Variants in AKAP12 observed in about 807,000 individuals in gnomAD.
AKAP12 encodes A-kinase anchor protein 12.
Under a neutral mutation model 79.9 loss-of-function variants are expected in AKAP12, and 32 were observed. The observed-to-expected ratio is 0.40, with a 90% CI of 0.30 to 0.54. The LOEUF (loss-of-function observed/expected upper bound fraction) is 0.54. Among genes scored for constraint, AKAP12 ranks in the 20% least tolerant of loss-of-function variants. AKAP12 has a pLI of 0.48. For missense variants in AKAP12, 2,074 were observed against 2,177.0 expected, an observed-to-expected ratio of 0.95 and a Z score of 0.94; for synonymous variants, 808 against 857.0, an observed-to-expected ratio of 0.94 and a Z score of 1.00.
chr6:151,270,184 G>A (rs1776153274), intron 2 of AKAP12, among the ~76,000 whole-genome samples: 1 of 152,152 alleles, frequency 6.6e-6, no homozygotes, highest in Non-Finnish European at 1.5e-5. Flanking sequence ...AGCCTCCCGA[G>A]TAGCTGGGAT....
Position 151,240,468 on chromosome 6 carries a change from C to T in AKAP12, c.-95C>T. On this transcript the variant is annotated 5_prime_UTR_variant, in exon 2 of 5. Transcript: ENST00000402676. ...CGGCGAAGGAAGGCGCTCTCGGGAC[C>T]TCGCGGGCGCGCGTCTTTTGGCTCT... 1 of 1,288,158 alleles carries T rather than the reference C, an allele frequency of 7.8e-7. No homozygotes were observed. Among genetic ancestry groups the T allele is most frequent in the Non-Finnish European group, 9.9e-7 (1 of 1,012,900 alleles). The allele number at this position is 1,288,158 out of a possible 1,614,324, so 79.8% of individuals were successfully genotyped here. A position where few individuals can be genotyped will look rare whatever the true frequency, so the allele number is the denominator to read the frequency against.
Position 151,349,185 on chromosome 6 carries a change from G to C in AKAP12, c.794G>C (p.Cys265Ser), listed in dbSNP as rs767469845. ...GAATCTGGCCAAGCAGTGGAGGAAT[G>C]CAAAGAGGAAGGAGAAGAGAAACAA... ...PAESGQAVEE[C>S]KEEGEEKQEK... Residue 265 changes from cysteine (C) to serine (S), a missense_variant, in exon 4 of 5, where the codon TGC becomes TCC. Cys to Ser is a moderately radical substitution (Grantham distance 112, BLOSUM62 -1). This residue lies in a region of AKAP12 where 1,428 missense variants were observed against 1,451.0 expected (regional missense o/e 0.98). Coordinates refer to ENST00000402676, the MANE Select transcript of AKAP12 (RefSeq NM_005100.4). The C allele has an allele frequency of 6.2e-7, 1 of 1,612,630 alleles. No homozygotes were observed. Among genetic ancestry groups the C allele is most frequent in the Non-Finnish European group, 8.5e-7 (1 of 1,180,030 alleles).
intron 3 of AKAP12, chr6:151,341,637 C>T: frequency 1.9e-6 from 2 of 1,051,264 alleles, no homozygotes; most frequent in Non-Finnish European, 1.2e-6. Flanking sequence ...TGTTGGGCTG[C>T]CCCTGCCGGC....
intron 2 of AKAP12, among the ~76,000 whole-genome samples, chr6:151,293,168 G>A (rs1776655476): frequency 6.6e-6 from 1 of 152,228 alleles, no homozygotes; most frequent in Admixed American, 6.5e-5. Context: ...TCTAAGCAAG[G>A]ATGTGATGTA....
At chr6:151,333,134 T>C (rs2626356) in intron 3 of AKAP12, among the ~76,000 whole-genome samples, 10,749 of 152,166 alleles carry the variant, frequency 0.071, 483 homozygotes, top group South Asian at 0.15. Context: ...GAAAATTCCA[T>C]AGGAGTTTTG....
intron 3 of AKAP12, among the ~76,000 whole-genome samples, chr6:151,333,266 T>C (rs375271746): frequency 4.6e-5 from 7 of 152,112 alleles, no homozygotes; most frequent in Admixed American, 1.3e-4. Flanking sequence ...CCATTATTTT[T>C]AGAGGCCTCT....
chr6:151,337,524 A>AAAAAAAAAAAAAAAAG (rs535027217), intron 3 of AKAP12, among the ~76,000 whole-genome samples: 1 of 129,806 alleles, frequency 7.7e-6, no homozygotes, highest in African/African-American at 3.4e-5. Flanking sequence ...AAAAAAAAAA[A>AAAAAAAAAAAAAAAAG]AAAGAAAGAA....
At chr6:151,342,647 C>T (rs754778493) in intron 3 of AKAP12, among the ~76,000 whole-genome samples, 1 of 152,176 alleles carries the variant, frequency 6.6e-6, no homozygotes, top group Non-Finnish European at 1.5e-5. Context: ...GACTAGTTGA[C>T]CAGCTACAAC....
At chr6:151,300,141 T>G (rs1776829204) in intron 2 of AKAP12, among the ~76,000 whole-genome samples, 1 of 152,178 alleles carries the variant, frequency 6.6e-6, no homozygotes, top group African/African-American at 2.4e-5. Flanking sequence ...TCTATTAGAA[T>G]GAAGGAGAAA....
At chr6:151,307,957 C>T (rs57660279) in intron 3 of AKAP12, among the ~76,000 whole-genome samples, 6,532 of 152,118 alleles carry the variant, frequency 0.043, 436 homozygotes, top group African/African-American at 0.15. Context: ...ATCTGCCTCC[C>T]CGCGCACATC....
chr6:151,318,786 TAAAA>T (rs928666071), intron 3 of AKAP12, among the ~76,000 whole-genome samples: 3 of 151,816 alleles, frequency 2.0e-5, no homozygotes, highest in Non-Finnish European at 4.4e-5. Context: ...AAAATAAAAA[TAAAA>T]AAATTATCTA....
intron 3 of AKAP12, among the ~76,000 whole-genome samples, chr6:151,345,594 C>G (rs1237171976): frequency 1.3e-5 from 2 of 150,364 alleles, no homozygotes; most frequent in African/African-American, 4.9e-5. Context: ...CAGGAGTTCT[C>G]GAGACCAGCC....
Position 151,353,700 on chromosome 6 carries a change from AAGAG to A in AKAP12, c.5315_5318del (p.Arg1772AsnfsTer16). 1 of 1,605,150 alleles carries A rather than the reference AAGAG, an allele frequency of 6.2e-7. No homozygotes were observed. The highest frequency in any genetic ancestry group is 8.5e-7 in the Non-Finnish European group (1 of 1,176,772). On this transcript the variant is annotated frameshift_variant, in exon 4 of 5. Coordinates refer to ENST00000402676, the MANE Select transcript of AKAP12 (RefSeq NM_005100.4). LOFTEE classifies it low-confidence loss of function (END_TRUNC). ...CAAGCACAGGAGGAGTTACAGAAAC[AAGAG>A]AGAGAATCTGCAAAGTCAGAACTTA...
intron 4 of AKAP12, 76 bp from the exon 5 acceptor site, chr6:151,355,651 T>A (rs772487753): frequency 3.3e-5 from 5 of 152,580 alleles, no homozygotes; most frequent in Non-Finnish European, 5.9e-5. Flanking sequence ...TAGGTCACTT[T>A]GACAACTATC....
chr6:151,315,065 A>AG (rs1296349968), intron 3 of AKAP12, among the ~76,000 whole-genome samples: 1 of 151,684 alleles, frequency 6.6e-6, no homozygotes, highest in Admixed American at 6.6e-5. Flanking sequence ...AAAAAAAAAA[A>AG]AAAAGATTTA....
intron 3 of AKAP12, chr6:151,341,660 C>T: frequency 3.5e-6 from 4 of 1,143,130 alleles, no homozygotes; most frequent in Non-Finnish European, 4.4e-6. Context: ...GCTGCGCGCG[C>T]CATGCCCTGG....
chr6:151,350,311 C>T lies in AKAP12; in HGVS notation c.1920C>T (p.Ser640=), dbSNP rs186475520. The T allele has an allele frequency of 6.8e-6, 11 of 1,610,412 alleles. No individual in the cohort carries two copies. The highest frequency in any genetic ancestry group is 4.5e-5 in the East Asian group (2 of 44,682). The change falls in exon 4 of 5, where the codon AGC becomes AGT. Residue 640 remains serine (S), a synonymous_variant. Coordinates refer to ENST00000402676, the MANE Select transcript of AKAP12 (RefSeq NM_005100.4). This position sits in a 1 kb window ranked among gnomAD's most constrained non-coding sequence, Gnocchi z 4.8. ...AAGATGAGCTGGACAAGGTCAAGAGCGCTACCTTGTCTTCCACCGAGAGCA... is the reference window on the plus strand; with the variant it reads ...AAGATGAGCTGGACAAGGTCAAGAGTGCTACCTTGTCTTCCACCGAGAGCA... ...DKEDELDKVK[S]ATLSSTESTA...
chr6:151,261,748 T>C (rs1325502537), intron 2 of AKAP12, among the ~76,000 whole-genome samples: 1 of 148,664 alleles, frequency 6.7e-6, no homozygotes, highest in East Asian at 2.0e-4. Flanking sequence ...TTTATTTATT[T>C]ATTTATTTAT....
chr6:151,261,438 C>T (rs1039178137), intron 2 of AKAP12, among the ~76,000 whole-genome samples: 3 of 151,944 alleles, frequency 2.0e-5, no homozygotes, highest in Non-Finnish European at 4.4e-5. Context: ...CTCCTGTAAT[C>T]CCAGCACTTT....
Sources: allele counts gnomAD v4.1 joint callset (sites outside exome capture counted in the v4.1 genomes callset), GRCh38; gene constraint gnomAD v4.1.1; regional missense constraint gnomAD v4.1.1; non-coding constraint Gnocchi (gnomAD v3.1); transcripts MANE v1.5; gene names NCBI Gene and HGNC (gene_info 2026-07-23, HGNC 2026-07-21).